The following CHMP3 variants were observed in gnomAD, a reference collection of about 807,000 sequenced individuals.
CHMP3 encodes the protein charged multivesicular body protein 3.
Under a neutral mutation model 27.4 loss-of-function variants are expected in CHMP3, and 8 were observed. The observed-to-expected ratio is 0.29, with a 90% CI of 0.17 to 0.53. CHMP3 has a LOEUF of 0.53. Ranked by LOEUF, CHMP3 falls within the 20% of genes least tolerant of loss-of-function variation. The probability of loss-of-function intolerance (pLI) is 0.96; values close to 1 mark genes in which losing one functional copy is unlikely to be tolerated. For missense variants in CHMP3, 208 were observed against 271.5 expected (o/e 0.77, Z 1.64); for synonymous variants, 86 against 85.5 (o/e 1.01, Z -0.03).
At chr2:86,562,310 T>G (rs1013458311) in intron 1 of CHMP3, 1 of 152,164 alleles carries the variant, frequency 6.6e-6, no homozygotes, top group Non-Finnish European at 1.5e-5. Context: ...GCCTAGGTGT[T>G]GCAGAGCAGT....
At chr2:86,558,832 T>C (rs1292218267) in intron 1 of CHMP3, among the ~76,000 whole-genome samples, 1 of 150,726 alleles carries the variant, frequency 6.6e-6, no homozygotes, top group Non-Finnish European at 1.5e-5. Context: ...AAAATTTCCT[T>C]CACTTGGCCT....
intron 3 of CHMP3, among the ~76,000 whole-genome samples, chr2:86,520,460 G>A (rs1228951551): frequency 6.6e-6 from 1 of 151,944 alleles, no homozygotes; most frequent in Non-Finnish European, 1.5e-5. Context: ...CACCACTAGG[G>A]GGATGGTGCT....
chr2:86,509,876 C>A (rs914120252), intron 4 of CHMP3, among the ~76,000 whole-genome samples: 15 of 152,224 alleles, frequency 9.9e-5, no homozygotes, highest in Non-Finnish European at 1.8e-4. Context: ...CTGAGGGCCA[C>A]GAGTACAGGT....
chr2:86,554,098 T>C (rs1235815119), intron 1 of CHMP3, among the ~76,000 whole-genome samples: 2 of 152,162 alleles, frequency 1.3e-5, no homozygotes, highest in African/African-American at 2.4e-5. Flanking sequence ...CTTTTGCCCC[T>C]TCAACCATGT....
chr2:86,528,438 C>T (rs1675796838), intron 3 of CHMP3, among the ~76,000 whole-genome samples: 1 of 152,152 alleles, frequency 6.6e-6, no homozygotes, highest in Non-Finnish European at 1.5e-5. Context: ...GGCTCAAGCA[C>T]TTAATTCTCC....
intron 4 of CHMP3, among the ~76,000 whole-genome samples, chr2:86,509,661 T>C (rs1675024402): frequency 6.6e-6 from 1 of 152,214 alleles, no homozygotes; most frequent in Non-Finnish European, 1.5e-5. Flanking sequence ...AAGGTCAGAC[T>C]GCAGTGCCCC....
chr2:86,541,541 T>C (rs1412689756), intron 2 of CHMP3, among the ~76,000 whole-genome samples: 1 of 152,150 alleles, frequency 6.6e-6, no homozygotes, highest in African/African-American at 2.4e-5. Context: ...CCAAGCAGAA[T>C]GACAGGGTCA....
chr2:86,523,101 A>G (rs1675574706), intron 3 of CHMP3, among the ~76,000 whole-genome samples: 2 of 152,212 alleles, frequency 1.3e-5, no homozygotes. Flanking sequence ...CTCTCCTAAC[A>G]GCTGTAAAAA....
At chr2:86,524,090 TACTA>T (rs1197577382) in intron 3 of CHMP3, among the ~76,000 whole-genome samples, 2 of 152,112 alleles carry the variant, frequency 1.3e-5, no homozygotes, top group African/African-American at 4.8e-5. Flanking sequence ...ATGAGGAAGG[TACTA>T]ACTATTATTA....
intron 1 of CHMP3, among the ~76,000 whole-genome samples, chr2:86,557,025 T>G (rs1302373247): frequency 6.6e-6 from 1 of 152,228 alleles, no homozygotes; most frequent in Non-Finnish European, 1.5e-5. Context: ...TCCTTGCTCT[T>G]AAGTTTACAA....
At position 86,563,369 on chromosome 2, in the gene CHMP3, C is replaced by T; in HGVS notation, c.-21G>A. 1 of 1,613,102 alleles carries T rather than the reference C, an allele frequency of 6.2e-7. No individual in the cohort carries two copies. ...CCCATGACGAACTGAACCCGTCTTGCCCCTTCCGGCTTTCAGTTCCCCGCG... is the reference window on the plus strand; with the variant it reads ...CCCATGACGAACTGAACCCGTCTTGTCCCTTCCGGCTTTCAGTTCCCCGCG... On this transcript the variant is annotated 5_prime_UTR_variant, in exon 1 of 6. Transcript: ENST00000263856.
chr2:86,519,392 A>G (rs1675440171), intron 3 of CHMP3, among the ~76,000 whole-genome samples: 1 of 151,852 alleles, frequency 6.6e-6, no homozygotes, highest in African/African-American at 2.4e-5. Context: ...GCAAAGGAAT[A>G]CTATGAAAAC....
At chr2:86,526,239 G>A (rs752168011) in intron 3 of CHMP3, among the ~76,000 whole-genome samples, 5 of 152,118 alleles carry the variant, frequency 3.3e-5, no homozygotes, top group African/African-American at 1.2e-4. Flanking sequence ...TTACTATGAC[G>A]ATAACTGGCT....
chr2:86,510,676 G>C (rs1317588957), intron 3 of CHMP3, 197 bp from the exon 4 acceptor site: 2 of 699,278 alleles, frequency 2.9e-6, no homozygotes, highest in East Asian at 6.3e-5. Context: ...GGTTACTACT[G>C]ATGTGAATTC....
intron 1 of CHMP3, among the ~76,000 whole-genome samples, chr2:86,546,098 C>T (rs896258138): frequency 5.9e-5 from 9 of 152,110 alleles, no homozygotes; most frequent in South Asian, 4.1e-4. Context: ...AGCGAGACTC[C>T]GTCTGCAATC....
chr2:86,556,847 C>A (rs2104051630), intron 1 of CHMP3, among the ~76,000 whole-genome samples: 1 of 152,294 alleles, frequency 6.6e-6, no homozygotes, highest in South Asian at 2.1e-4. Flanking sequence ...ATACCTGTGT[C>A]TGAGTGTATT....
intron 1 of CHMP3, among the ~76,000 whole-genome samples, chr2:86,560,918 T>C (rs1558665609): frequency 6.6e-6 from 1 of 152,022 alleles, no homozygotes; most frequent in Non-Finnish European, 1.5e-5. Context: ...GAACTCACTA[T>C]CTCAAGGACA....
chr2:86,560,037 G>A (rs573662778), intron 1 of CHMP3, among the ~76,000 whole-genome samples: 84 of 152,252 alleles, frequency 5.5e-4, no homozygotes, highest in Admixed American at 2.6e-3. Flanking sequence ...AGGCCAAGGC[G>A]GGCAGATCAC....
At chr2:86,558,925 T>A (rs937089663) in intron 1 of CHMP3, among the ~76,000 whole-genome samples, 1 of 151,256 alleles carries the variant, frequency 6.6e-6, no homozygotes. Context: ...CATACACAGC[T>A]CTCAATACTT....
Sources: gnomAD v4.1 joint callset for allele counts (sites outside exome capture counted in the v4.1 genomes callset) on GRCh38, gnomAD v4.1.1 for gene constraint, MANE v1.5 for transcripts, NCBI Gene and HGNC (gene_info 2026-07-23, HGNC 2026-07-21) for gene names.